BAZ1B: variants seen among roughly 807,000 people sequenced by gnomAD.
BAZ1B encodes tyrosine-protein kinase BAZ1B.
BAZ1B carries 22 observed loss-of-function variants against 153.8 expected under a neutral mutation model. That is an observed-to-expected ratio of 0.14 (90% CI 0.10 to 0.20). The LOEUF (loss-of-function observed/expected upper bound fraction) is 0.20. Among genes scored for constraint, BAZ1B ranks in the 10% least tolerant of loss-of-function variants. The pLI is 1.00. For synonymous variants in BAZ1B, 676 were observed against 633.4 expected (o/e 1.07, Z -1.01); for missense variants, 1,325 against 1,799.3 (o/e 0.74, Z 4.77).
In BAZ1B at chr7:73,477,543, C is replaced by A. The variant is rs1554573006; in HGVS notation, c.1918G>T (p.Ala640Ser). 2 of 1,614,192 alleles carry A rather than the reference C, an allele frequency of 1.2e-6. No individual in the cohort carries two copies. The highest frequency in any genetic ancestry group is 1.7e-6 in the Non-Finnish European group (2 of 1,180,032). Reference protein sequence around the residue: ...YPITAVSLMEALSADKGGFLY... With the variant: ...YPITAVSLMESLSADKGGFLY... Reference sequence around the variant, plus strand: ...AAGCCACCCTTATCTGCACTCAAGGCTTCCATAAGGGACACAGCAGTAATA... The same window carrying A: ...AAGCCACCCTTATCTGCACTCAAGGATTCCATAAGGGACACAGCAGTAATA... Residue 640 changes from alanine (A) to serine (S), a missense_variant, in exon 7 of 20, where the codon GCC becomes TCC. Physicochemically the swap from Ala to Ser is moderately conservative, Grantham distance 99. Transcript: ENST00000339594. The surrounding 1 kb of genome is among the most constrained non-coding windows in gnomAD (Gnocchi z 5.6).
At chr7:73,444,684 C>T (rs1787757357) in intron 16 of BAZ1B, among the ~76,000 whole-genome samples, 1 of 152,188 alleles carries the variant, frequency 6.6e-6, no homozygotes, top group Admixed American at 6.5e-5. Context: ...GGCTAGTCCC[C>T]TCCATAAGAG....
chr7:73,499,111 C>T (rs1382170455), intron 3 of BAZ1B, among the ~76,000 whole-genome samples: 1 of 151,950 alleles, frequency 6.6e-6, no homozygotes, highest in Non-Finnish European at 1.5e-5. Flanking sequence ...CTGCAACCTC[C>T]GCTTCCTGGG....
At chr7:73,444,922 G>A (rs1787772692) in intron 16 of BAZ1B, among the ~76,000 whole-genome samples, 1 of 152,110 alleles carries the variant, frequency 6.6e-6, no homozygotes, top group Non-Finnish European at 1.5e-5. Flanking sequence ...GCTGAGGCAG[G>A]AAAATCGCTT....
chr7:73,518,330 G>C (rs914059882), intron 1 of BAZ1B, among the ~76,000 whole-genome samples: 1 of 150,792 alleles, frequency 6.6e-6, no homozygotes, highest in Admixed American at 6.6e-5. Context: ...GGAAAATGGC[G>C]TGAACCCGGG....
Position 73,449,620 on chromosome 7 carries a change from G to A in BAZ1B, c.3650C>T (p.Ala1217Val), listed in dbSNP as rs782066365. Residue 1217 changes from alanine (A) to valine (V), a missense_variant, in exon 15 of 20, where the codon GCC (alanine) becomes GTC (valine). Ala to Val is a moderately conservative substitution (Grantham distance 64). Around this residue, in one of 9 missense-constraint regions of BAZ1B, gnomAD observed 21 missense variants for 58.3 expected, o/e 0.36. Transcript: ENST00000339594. Reference sequence around the variant, plus strand: ...CTCACCATCTGGTACTTCATAGAGGGCCGGCCTCAGACAAAACAGGTGGAA... The same window carrying A: ...CTCACCATCTGGTACTTCATAGAGGACCGGCCTCAGACAAAACAGGTGGAA... ...KAFHLFCLRP[A>V]LYEVPDGEWQ... 3 of 1,614,144 alleles carry A rather than the reference G, an allele frequency of 1.9e-6. No homozygotes were observed. Among genetic ancestry groups the A allele is most frequent in the Non-Finnish European group, 2.5e-6 (3 of 1,180,018 alleles).
intron 19 of BAZ1B, 45 bp downstream of exon 19, chr7:73,442,136 T>TGGCC: frequency 1.2e-5 from 7 of 573,492 alleles, no homozygotes; most frequent in African/African-American, 1.9e-5. Context: ...CTCGCTCGCC[T>TGGCC]CCCTCCCACC....
chr7:73,493,861 G>A (rs1306059653), intron 4 of BAZ1B, among the ~76,000 whole-genome samples: 2 of 150,778 alleles, frequency 1.3e-5, no homozygotes, highest in African/African-American at 4.9e-5. Context: ...AAAAAAGAGA[G>A]AGAGAGAGAA....
At chr7:73,470,510 A>G (rs1788760155) in intron 7 of BAZ1B, 27 bp from the exon 8 acceptor site, 1 of 1,608,340 alleles carries the variant, frequency 6.2e-7, no homozygotes, top group Admixed American at 1.7e-5. Flanking sequence ...GACTCAAATC[A>G]GATATTTTCC....
rs566396257 is a variant in BAZ1B at position 73,443,987 on chromosome 7, C to G, written c.3987G>C (p.Glu1329Asp). 6.2e-7 allele frequency: 1 copy of G among 1,613,264 alleles called. No individual in the cohort carries two copies. The highest frequency in any genetic ancestry group is 1.3e-5 in the African/African-American group (1 of 75,016). Residue 1329 changes from glutamate (E) to aspartate (D), a missense_variant, in exon 17 of 20, where the codon GAG (glutamate) becomes GAC (aspartate). Physicochemically the swap from Glu to Asp is conservative, Grantham distance 45. Coordinates refer to ENST00000339594, the MANE Select transcript of BAZ1B (RefSeq NM_032408.4). ...APPVDDAEVD[E>D]LVLQTKRSSR... The stretch of plus-strand genomic sequence containing the variant: ...AGGGATGATAAATAATTCTCACCAG[C>G]TCATCCACCTCAGCATCATCCACAG...
intron 3 of BAZ1B, among the ~76,000 whole-genome samples, chr7:73,503,335 T>C (rs782281051): frequency 6.6e-6 from 1 of 152,158 alleles, no homozygotes; most frequent in Non-Finnish European, 1.5e-5. Flanking sequence ...CATATTTTCA[T>C]GTTTATGGAC....
In BAZ1B at chr7:73,477,016, T is replaced by C; in HGVS notation, c.2445A>G (p.Leu815=). Residue 815 remains leucine, a synonymous_variant, in exon 7 of 20, where the codon TTA becomes TTG. Coordinates refer to ENST00000339594, the MANE Select transcript of BAZ1B (RefSeq NM_032408.4). The surrounding 1 kb of genome is among the most constrained non-coding windows in gnomAD (Gnocchi z 5.6). ...NKENGKVENG[L]GKTDRKKEIV... is the part of the protein sequence containing the mutation. ...TTTCTTTTTTCCTATCAGTTTTGCC[T>C]AACCCATTCTCAACTTTTCCATTTT... 6.2e-7 allele frequency: 1 copy of C among 1,614,260 alleles called. No homozygotes were observed.
At chr7:73,484,261 T>C (rs1489497228) in intron 6 of BAZ1B, among the ~76,000 whole-genome samples, 2 of 151,562 alleles carry the variant, frequency 1.3e-5, no homozygotes, top group African/African-American at 4.9e-5. Context: ...CGAGACTCTG[T>C]CAAAGGAAGG....
At chr7:73,487,306 T>C (rs1212317735) in intron 6 of BAZ1B, among the ~76,000 whole-genome samples, 2 of 152,184 alleles carry the variant, frequency 1.3e-5, no homozygotes, top group South Asian at 2.1e-4. Context: ...TACGTGCCTG[T>C]AGTCCCCAGC....
intron 4 of BAZ1B, among the ~76,000 whole-genome samples, chr7:73,496,631 G>C (rs554626882): frequency 6.6e-6 from 1 of 152,074 alleles, no homozygotes; most frequent in East Asian, 1.9e-4. Flanking sequence ...GAGGCTGAAC[G>C]GTCTTCCCAG....
chr7:73,490,895 G>A (rs1428148610), intron 5 of BAZ1B, among the ~76,000 whole-genome samples: 2 of 151,298 alleles, frequency 1.3e-5, no homozygotes, highest in African/African-American at 2.4e-5. Context: ...ATGAGCCACC[G>A]TGCCTGGCCT....
intron 13 of BAZ1B, among the ~76,000 whole-genome samples, chr7:73,456,107 T>C (rs1022974875): frequency 6.6e-6 from 1 of 152,102 alleles, no homozygotes; most frequent in African/African-American, 2.4e-5. Flanking sequence ...GTATCTAATA[T>C]GAAAAAAATG....
At position 73,477,513 on chromosome 7, in the gene BAZ1B, A is replaced by G; in HGVS notation, c.1948T>C (p.Tyr650His). The G allele has an allele frequency of 6.2e-7, 1 of 1,614,218 alleles. No individual in the cohort carries two copies. Among genetic ancestry groups the G allele is most frequent in the Non-Finnish European group, 8.5e-7 (1 of 1,180,026 alleles). Residue 650 changes from tyrosine to histidine, a missense_variant, in exon 7 of 20, where the codon TAC becomes CAC. This residue lies in a region of BAZ1B where 154 missense variants were observed against 266.3 expected (regional missense o/e 0.58). Coordinates refer to ENST00000339594, the MANE Select transcript of BAZ1B (RefSeq NM_032408.4). The surrounding 1 kb of genome is among the most constrained non-coding windows in gnomAD (Gnocchi z 5.6). ...ALSADKGGFL[Y>H]LNRVLVILLQ... ...AGGATGACCAACACCCTGTTAAGGT[A>G]TAAAAAGCCACCCTTATCTGCACTC...
chr7:73,483,423 T>G (rs1481088040), intron 6 of BAZ1B, among the ~76,000 whole-genome samples: 1 of 152,182 alleles, frequency 6.6e-6, no homozygotes, highest in African/African-American at 2.4e-5. Context: ...GGGCAACATG[T>G]TAGAACTCTG....
At chr7:73,513,636 G>C (rs531375947) in intron 1 of BAZ1B, among the ~76,000 whole-genome samples, 1 of 152,284 alleles carries the variant, frequency 6.6e-6, no homozygotes, top group East Asian at 1.9e-4. Flanking sequence ...AACTAGGGGA[G>C]TGGAAGGGAT....
Sources: allele counts gnomAD v4.1 joint callset (sites outside exome capture counted in the v4.1 genomes callset), GRCh38; gene constraint gnomAD v4.1.1; regional missense constraint gnomAD v4.1.1; non-coding constraint Gnocchi (gnomAD v3.1); transcripts MANE v1.5; gene names NCBI Gene and HGNC (gene_info 2026-07-23, HGNC 2026-07-21).